GDPD1: variants seen among roughly 807,000 people sequenced by gnomAD.
GDPD1 encodes glycerophosphodiester phosphodiesterase domain containing 1.
GDPD1 carries 28 observed loss-of-function variants against 45.1 expected under a neutral mutation model. The observed-to-expected ratio is 0.62, with a 90% CI of 0.46 to 0.85. The LOEUF is 0.85. Ranked by LOEUF, GDPD1 falls within the 40% of genes least tolerant of loss-of-function variation. GDPD1 has a pLI of 0.00. For missense variants in GDPD1, 256 were observed against 364.8 expected, an observed-to-expected ratio of 0.70 and a Z score of 2.43; for synonymous variants, 139 against 131.4, an observed-to-expected ratio of 1.06 and a Z score of -0.40.
intron 2 of GDPD1, among the ~76,000 whole-genome samples, chr17:59,243,218 T>C (rs2047187193): frequency 6.6e-6 from 1 of 150,384 alleles, no homozygotes; most frequent in African/African-American, 2.4e-5. Context: ...CAGGAAAAGG[T>C]GGGCAGGCTG....
chr17:59,252,967 C>T (rs2047267602), intron 4 of GDPD1, among the ~76,000 whole-genome samples: 1 of 152,184 alleles, frequency 6.6e-6, no homozygotes, highest in African/African-American at 2.4e-5. Context: ...GCACTTCAGC[C>T]TGGGCAACAG....
intron 6 of GDPD1, among the ~76,000 whole-genome samples, chr17:59,262,185 G>A (rs1318364323): frequency 3.3e-5 from 5 of 151,970 alleles, no homozygotes; most frequent in African/African-American, 1.2e-4. Flanking sequence ...CTCCCAAAGT[G>A]CTGGGATTAC....
chr17:59,242,822 A>G (rs2047184435), intron 2 of GDPD1, among the ~76,000 whole-genome samples: 1 of 152,184 alleles, frequency 6.6e-6, no homozygotes, highest in South Asian at 2.1e-4. Context: ...TGAAGAGGCC[A>G]GGCCCCTCAC....
chr17:59,255,864 T>TATACACAC (rs2047304058), intron 4 of GDPD1, among the ~76,000 whole-genome samples: 1 of 97,350 alleles, frequency 1.0e-5, no homozygotes, highest in African/African-American at 6.1e-5. Context: ...CACGTATATA[T>TATACACAC]ATATATATAT....
intron 1 of GDPD1, among the ~76,000 whole-genome samples, chr17:59,220,987 A>T (rs1468238066): frequency 1.3e-5 from 2 of 151,282 alleles, no homozygotes; most frequent in African/African-American, 4.9e-5. Context: ...CAGCAGTGTG[A>T]GGGGTTCTCT....
intron 3 of GDPD1, among the ~76,000 whole-genome samples, chr17:59,247,778 G>GCC: frequency 1.3e-5 from 2 of 151,964 alleles, no homozygotes; most frequent in Non-Finnish European, 2.9e-5. Context: ...TTACAGGCAT[G>GCC]CGCCACCACA....
At chr17:59,223,173 T>G (rs2047019337) in intron 1 of GDPD1, among the ~76,000 whole-genome samples, 2 of 152,336 alleles carry the variant, frequency 1.3e-5, no homozygotes, top group African/African-American at 4.8e-5. Flanking sequence ...TCTTCCTAGA[T>G]ATTAGGTCAT....
intron 8 of GDPD1, among the ~76,000 whole-genome samples, chr17:59,272,513 G>C (rs1172837308): frequency 6.6e-6 from 1 of 152,140 alleles, no homozygotes; most frequent in Non-Finnish European, 1.5e-5. Context: ...CTTTTCCATT[G>C]AGCTGTGCCA....
At chr17:59,238,434 G>C (rs1485367178) in intron 2 of GDPD1, among the ~76,000 whole-genome samples, 2 of 133,592 alleles carry the variant, frequency 1.5e-5, no homozygotes, top group Non-Finnish European at 3.1e-5. Context: ...TTTTTTCCGA[G>C]ACGGAGTCTC....
At position 59,252,109 on chromosome 17, in the gene GDPD1, G is replaced by A. The variant is rs185048855; in HGVS notation, c.367+3324G>A. Among the ~76,000 whole-genome samples the A allele has an allele frequency of 6.9e-4, 104 of 151,166 alleles. 1 individual carries two copies. The highest frequency in any genetic ancestry group is 1.2e-3 in the Non-Finnish European group (79 of 67,760). On this transcript the variant is annotated intron_variant, in intron 4 of 9. Coordinates refer to ENST00000284116, the MANE Select transcript of GDPD1 (RefSeq NM_182569.4). ...CCTTGCATAGAATTCTTGCTTACCA[G>A]GCTGGGCACGGTGGCTCACACCTGT...
intron 7 of GDPD1, among the ~76,000 whole-genome samples, chr17:59,268,085 T>G (rs2047412224): frequency 6.6e-6 from 1 of 152,192 alleles, no homozygotes. Flanking sequence ...TAAAAACACT[T>G]AGATTGCCTG....
intron 2 of GDPD1, 79 bp downstream of exon 2, chr17:59,234,613 A>T (rs969342359): frequency 1.1e-6 from 1 of 916,332 alleles, no homozygotes; most frequent in Non-Finnish European, 1.8e-6. Context: ...ATGATCCACA[A>T]AGTGAGGATA....
At chr17:59,272,991 C>A in intron 9 of GDPD1, 155 bp downstream of exon 9, 1 of 1,491,356 alleles carries the variant, frequency 6.7e-7, no homozygotes, top group Non-Finnish European at 8.9e-7. Context: ...CTCTTCCTTA[C>A]ACTTAGCAAT....
At chr17:59,268,578 CAAAAA>C (rs1176390251) in intron 7 of GDPD1, among the ~76,000 whole-genome samples, 45 of 35,362 alleles carry the variant, frequency 1.3e-3, no homozygotes, top group African/African-American at 1.8e-3. Context: ...GACTCTGTCT[CAAAAA>C]AAAAAAAAAA....
intron 2 of GDPD1, among the ~76,000 whole-genome samples, chr17:59,235,564 C>T (rs1212703501): frequency 6.6e-6 from 1 of 152,130 alleles, no homozygotes; most frequent in East Asian, 1.9e-4. Flanking sequence ...GTAATCTCAA[C>T]ACTTTGGGAG....
chr17:59,260,678 AAAT>A (rs1359506265), intron 6 of GDPD1: 7 of 152,244 alleles, frequency 4.6e-5, no homozygotes, highest in Non-Finnish European at 7.3e-5. Flanking sequence ...GAAGATGCTG[AAAT>A]AATCTGTAAT....
intron 6 of GDPD1, among the ~76,000 whole-genome samples, chr17:59,261,894 A>G (rs2047358267): frequency 6.8e-6 from 1 of 146,524 alleles, no homozygotes; most frequent in South Asian, 2.2e-4. Flanking sequence ...TCGTTTTCCC[A>G]AAGTGCTGAG....
chr17:59,248,246 G>A (rs946846583), intron 3 of GDPD1, among the ~76,000 whole-genome samples: 2 of 151,654 alleles, frequency 1.3e-5, no homozygotes, highest in Admixed American at 6.6e-5. Context: ...CTACAGTGAG[G>A]TGTAATTGTG....
rs189080808 is a variant in GDPD1, at chr17:59,266,125, A to G, written c.577-916A>G. 2.5e-3 allele frequency among the ~76,000 whole-genome samples: 387 copies of G among 152,142 alleles called. 4 individuals are homozygous for G. The highest frequency in any genetic ancestry group is 8.8e-3 in the African/African-American group (366 of 41,526). ...AAATTTGGCTGGTGCGGTGGCTCAC[A>G]CTTGTAATCCCAACACTTTGGGAGG... On this transcript the variant is annotated intron_variant, in intron 6 of 9. Coordinates refer to ENST00000284116, the MANE Select transcript of GDPD1 (RefSeq NM_182569.4).
Sources: gnomAD v4.1 joint callset for allele counts (sites outside exome capture counted in the v4.1 genomes callset) on GRCh38, gnomAD v4.1.1 for gene constraint, MANE v1.5 for transcripts, NCBI Gene and HGNC (gene_info 2026-07-23, HGNC 2026-07-21) for gene names.